The following KHDRBS3 variants were observed in gnomAD, a reference collection of about 807,000 sequenced individuals.
KHDRBS3 encodes the protein KH domain-containing, RNA-binding, signal transduction-associated protein 3.
In KHDRBS3, 23 loss-of-function variants were observed where a neutral mutation model predicts 45.6. That is an observed-to-expected ratio of 0.50 (90% CI 0.36 to 0.72). KHDRBS3 has a LOEUF of 0.72. Ranked by LOEUF, KHDRBS3 falls within the 30% of genes least tolerant of loss-of-function variation. The pLI is 0.00. For synonymous variants in KHDRBS3, 162 were observed against 156.5 expected, an observed-to-expected ratio of 1.04 and a Z score of -0.26; for missense variants, 352 against 424.8, an observed-to-expected ratio of 0.83 and a Z score of 1.51.
intron 2 of KHDRBS3, among the ~76,000 whole-genome samples, chr8:135,523,546 T>A (rs1367405830): frequency 6.6e-6 from 1 of 152,194 alleles, no homozygotes; most frequent in East Asian, 1.9e-4. Flanking sequence ...CATTATACCA[T>A]TTGCTTAAAT....
intron 2 of KHDRBS3, chr8:135,539,960 A>G (rs2130761769): frequency 6.6e-6 from 1 of 152,270 alleles, no homozygotes; most frequent in African/African-American, 2.4e-5. Context: ...ATGTCTTTCT[A>G]TGGACTTCAG....
At chr8:135,607,736 A>G (rs1446769855) in intron 7 of KHDRBS3, among the ~76,000 whole-genome samples, 1 of 152,218 alleles carries the variant, frequency 6.6e-6, no homozygotes, top group Non-Finnish European at 1.5e-5. Context: ...ATAAAACAAA[A>G]TATTGGCTTT....
At position 135,518,458 on chromosome 8, in the gene KHDRBS3, G is replaced by A. The variant is rs1824737885; in HGVS notation, c.89-2779G>A. ...CAAAGTACTGGGATTACAGGTGTGA[G>A]CCACCACGCCCGGCCTAAACTACTT... On this transcript the variant is annotated intron_variant, in intron 1 of 8. Coordinates refer to ENST00000355849, the MANE Select transcript of KHDRBS3 (RefSeq NM_006558.3). Among the ~76,000 whole-genome samples the A allele has an allele frequency of 3.3e-5, 5 of 152,262 alleles. No homozygotes were observed. In the South Asian group the frequency reaches 1.0e-3, roughly 32 times the overall value.
chr8:135,557,399 TG>T (rs758985175), intron 4 of KHDRBS3, 48 bp from the exon 5 acceptor site: 1 of 1,209,424 alleles, frequency 8.3e-7, no homozygotes, highest in African/African-American at 1.5e-5. Flanking sequence ...TAAATATTTT[TG>T]CATTTCTAAT....
chr8:135,627,885 A>G (rs1331857905), intron 7 of KHDRBS3, among the ~76,000 whole-genome samples: 1 of 152,178 alleles, frequency 6.6e-6, no homozygotes, highest in Non-Finnish European at 1.5e-5. Flanking sequence ...CAGTTAAATT[A>G]GATGGTAGTG....
intron 4 of KHDRBS3, among the ~76,000 whole-genome samples, chr8:135,555,702 A>T (rs1435254494): frequency 1.3e-5 from 2 of 152,060 alleles, no homozygotes; most frequent in African/African-American, 4.8e-5. Flanking sequence ...CTGAGCTCTC[A>T]CTTCTATTTC....
In KHDRBS3 at chr8:135,645,712, A is replaced by G. The variant is rs547808347; in HGVS notation, c.949+595A>G. On this transcript the variant is annotated intron_variant, in intron 8 of 8. Transcript: ENST00000355849. Reference sequence around the variant, plus strand: ...TCATGTCCAAAGTCTCACTATGCAGAACGATGACAGGTTTAATAATTAAAA... The same window carrying G: ...TCATGTCCAAAGTCTCACTATGCAGGACGATGACAGGTTTAATAATTAAAA... 2.6e-5 allele frequency among the ~76,000 whole-genome samples: 4 copies of G among 152,336 alleles called. No individual in the cohort carries two copies. The East Asian group carries it at 7.7e-4, about 29-fold the overall frequency.
At chr8:135,464,682 G>C (rs1281569904) in intron 1 of KHDRBS3, among the ~76,000 whole-genome samples, 3 of 152,202 alleles carry the variant, frequency 2.0e-5, no homozygotes, top group Non-Finnish European at 4.4e-5. Context: ...CATTTATCAA[G>C]AGCCTTTTCT....
chr8:135,614,441 A>G (rs1360713831), intron 7 of KHDRBS3, among the ~76,000 whole-genome samples: 2 of 151,874 alleles, frequency 1.3e-5, no homozygotes, highest in Non-Finnish European at 2.9e-5. Context: ...CTTATTTACA[A>G]TCCTAATAAC....
At chr8:135,496,301 C>T (rs1178405704) in intron 1 of KHDRBS3, among the ~76,000 whole-genome samples, 6 of 150,326 alleles carry the variant, frequency 4.0e-5, no homozygotes, top group South Asian at 4.2e-4. Flanking sequence ...GGTGTGGTCT[C>T]GGCTCACTGC....
At chr8:135,530,459 T>G (rs1181081964) in intron 2 of KHDRBS3, among the ~76,000 whole-genome samples, 3 of 152,254 alleles carry the variant, frequency 2.0e-5, no homozygotes, top group Non-Finnish European at 4.4e-5. Context: ...TGTAATTACA[T>G]GAAAAATGGA....
chr8:135,469,377 C>A (rs183036665), intron 1 of KHDRBS3, among the ~76,000 whole-genome samples: 349 of 152,240 alleles, frequency 2.3e-3, no homozygotes, highest in African/African-American at 8.0e-3. Flanking sequence ...CTCCGCCTCC[C>A]AGGTTCACGC....
At position 135,616,092 on chromosome 8, in the gene KHDRBS3, G is replaced by A. The variant is rs80016649; in HGVS notation, c.890+9055G>A. ...TTTGAAGGAATGAAATATCTATTGC[G>A]TACTTACCAAGTGTGAGTTACTATG... On this transcript the variant is annotated intron_variant, in intron 7 of 8. Transcript: ENST00000355849. Among the ~76,000 whole-genome samples, 306 of 152,232 alleles carry A rather than the reference G, an allele frequency of 2.0e-3. 3 individuals are homozygous for A. In the East Asian group the frequency reaches 0.024, roughly 12 times the overall value.
intron 1 of KHDRBS3, among the ~76,000 whole-genome samples, chr8:135,511,837 C>T (rs927885658): frequency 1.3e-5 from 2 of 152,158 alleles, no homozygotes; most frequent in Non-Finnish European, 2.9e-5. Context: ...GGATTACAGG[C>T]GTGAGCCACC....
At chr8:135,472,069 G>T (rs1163258929) in intron 1 of KHDRBS3, among the ~76,000 whole-genome samples, 2 of 152,154 alleles carry the variant, frequency 1.3e-5, no homozygotes, top group Non-Finnish European at 2.9e-5. Flanking sequence ...TGACAGCAAT[G>T]AATTCATTCT....
intron 1 of KHDRBS3, among the ~76,000 whole-genome samples, chr8:135,459,689 AAGTAC>A (rs1821329928): frequency 6.6e-6 from 1 of 152,234 alleles, no homozygotes; most frequent in Non-Finnish European, 1.5e-5. Flanking sequence ...GTTAAACTGA[AAGTAC>A]AGTGCGTTAT....
At chr8:135,467,227 G>T (rs1027869100) in intron 1 of KHDRBS3, among the ~76,000 whole-genome samples, 2 of 152,188 alleles carry the variant, frequency 1.3e-5, no homozygotes, top group African/African-American at 4.8e-5. Flanking sequence ...TTGTATCTAA[G>T]ATGAGATTAT....
intron 6 of KHDRBS3, among the ~76,000 whole-genome samples, chr8:135,593,943 A>G (rs1451321587): frequency 6.6e-6 from 1 of 152,210 alleles, no homozygotes; most frequent in Non-Finnish European, 1.5e-5. Context: ...CAGGAAGGGA[A>G]TGAGTAGCAC....
At chr8:135,600,563 C>T (rs1441361712) in intron 6 of KHDRBS3, among the ~76,000 whole-genome samples, 3 of 152,182 alleles carry the variant, frequency 2.0e-5, no homozygotes, top group Non-Finnish European at 4.4e-5. Context: ...GATGGATTCT[C>T]ACCACAGTAT....
Sources: allele counts gnomAD v4.1 joint callset (sites outside exome capture counted in the v4.1 genomes callset), GRCh38; gene constraint gnomAD v4.1.1; transcripts MANE v1.5; gene names NCBI Gene and HGNC (gene_info 2026-07-23, HGNC 2026-07-21).